CENPM: variants seen among roughly 807,000 people sequenced by gnomAD.
The protein encoded by CENPM is centromere protein M.
CENPM carries 14 observed loss-of-function variants against 19.6 expected under a neutral mutation model. The observed-to-expected ratio is 0.71, with a 90% CI of 0.47 to 1.11. The LOEUF (loss-of-function observed/expected upper bound fraction) is 1.11. Among genes scored for constraint, CENPM ranks in the 50% most tolerant of loss-of-function variants. The probability of loss-of-function intolerance (pLI) is 0.00; values close to 1 mark genes in which losing one functional copy is unlikely to be tolerated. For synonymous variants in CENPM, 114 were observed against 101.5 expected, an observed-to-expected ratio of 1.12 and a Z score of -0.74; for missense variants, 239 against 228.4, an observed-to-expected ratio of 1.05 and a Z score of -0.30.
In CENPM at chr22:41,945,253, CAAG is replaced by C. The variant is rs766447933; in HGVS notation, c.279_281del (p.Phe93del). 7.4e-6 allele frequency: 12 copies of C among 1,613,906 alleles called. No individual in the cohort carries two copies. The highest frequency in any genetic ancestry group is 6.7e-5 in the East Asian group (3 of 44,860). ...CTGTGGCGAGGAAACACACCTTCCC[CAAG>C]AAGAAGCTGGCATCCACATGGCGCA... On this transcript the variant is annotated inframe_deletion, in exon 4 of 6. Transcript: ENST00000215980.
At chr22:41,940,389 T>TTTTTG (rs1195323520) in intron 5 of CENPM, among the ~76,000 whole-genome samples, 3 of 152,146 alleles carry the variant, frequency 2.0e-5, no homozygotes, top group Non-Finnish European at 4.4e-5. Context: ...GCTGGGGCTT[T>TTTTTG]TTTTGTTTTG....
At chr22:41,929,492 G>A in the CENPM span, among the ~76,000 whole-genome samples, 2 of 152,162 alleles carry the variant, frequency 1.3e-5, no homozygotes, top group African/African-American at 4.8e-5. Context: ...CCAGGTCTGC[G>A]TTTCACAGCA....
chr22:41,941,384 G>C (rs1015845388), intron 5 of CENPM, among the ~76,000 whole-genome samples: 1 of 152,194 alleles, frequency 6.6e-6, no homozygotes, highest in Admixed American at 6.5e-5. Context: ...CTCCTGCTGC[G>C]GCGGGAACCA....
the CENPM span, among the ~76,000 whole-genome samples, chr22:41,933,196 C>T: frequency 6.6e-6 from 1 of 152,166 alleles, no homozygotes; most frequent in South Asian, 2.1e-4. Flanking sequence ...CCTACCCGGC[C>T]GTCTCCTCCC....
chr22:41,937,899 A>G (rs2077690760), downstream of CENPM, among the ~76,000 whole-genome samples: 1 of 151,992 alleles, frequency 6.6e-6, no homozygotes, highest in South Asian at 2.1e-4. Flanking sequence ...GCTGGAGTGC[A>G]GTGGCGCGAT....
the CENPM span, among the ~76,000 whole-genome samples, chr22:41,927,513 CTTTTT>C: frequency 1.5e-5 from 2 of 129,268 alleles, no homozygotes; most frequent in East Asian, 4.4e-4. Flanking sequence ...CAGACACCTG[CTTTTT>C]TTTTTTTTTT....
At chr22:41,931,115 C>T in the CENPM span, among the ~76,000 whole-genome samples, 7 of 151,120 alleles carry the variant, frequency 4.6e-5, no homozygotes, top group Non-Finnish European at 1.0e-4. Flanking sequence ...GGATTACAGG[C>T]GTGAGCCACT....
At chr22:41,929,848 G>GA in the CENPM span, among the ~76,000 whole-genome samples, 2 of 151,908 alleles carry the variant, frequency 1.3e-5, no homozygotes, top group Non-Finnish European at 2.9e-5. Context: ...TCGCTACTTG[G>GA]ATGACAAAAC....
At chr22:41,941,325 G>A (rs905684801) in intron 5 of CENPM, among the ~76,000 whole-genome samples, 2 of 152,240 alleles carry the variant, frequency 1.3e-5, no homozygotes, top group African/African-American at 4.8e-5. Flanking sequence ...AACCCTGGGT[G>A]CTCCATCTGA....
At position 41,939,150 on chromosome 22, in the gene CENPM, A is replaced by T; in HGVS notation, c.449T>A (p.Leu150Gln). 1 of 1,612,784 alleles carries T rather than the reference A, an allele frequency of 6.2e-7. No homozygotes were observed. ...ATMAQRLVRVLQICAGHVPGV... is the reference protein window; with the variant it reads ...ATMAQRLVRVQQICAGHVPGV... ...GGGCACGTGGCCAGCACAGATCTGCAGCACGCGCACCAGGCGCTGCGCCAT... is the reference window on the plus strand; with the variant it reads ...GGGCACGTGGCCAGCACAGATCTGCTGCACGCGCACCAGGCGCTGCGCCAT... Residue 150 changes from leucine to glutamine, a missense_variant, in exon 6 of 6, where the codon CTG (leucine) becomes CAG (glutamine). Leu to Gln is a moderately radical substitution (Grantham distance 113). Transcript: ENST00000215980.
rs752306339 is a variant in CENPM at position 41,945,997 on chromosome 22, G to T, written c.146C>A (p.Ala49Glu). 3.7e-6 allele frequency: 6 copies of T among 1,613,648 alleles called. No homozygotes were observed. The Admixed American group carries it at 8.3e-5, about 22-fold the overall frequency. Residue 49 changes from alanine (A) to glutamate (E), a missense_variant, in exon 3 of 6, where the codon GCA becomes GAA. Physicochemically the swap from Ala to Glu is moderately radical, Grantham distance 107. Coordinates refer to ENST00000215980, the MANE Select transcript of CENPM (RefSeq NM_024053.5). ...ACTGGAGGGCAAAGGGAGGGACTTT[G>T]CCAAGTGGCTGAAAAACAGGAAATT... is the stretch of plus-strand genomic sequence containing the variant. ...DCASELKVHL[A>E]KSLPLPSSVN...
At position 41,939,200 on chromosome 22, in the gene CENPM, C is replaced by T. The variant is rs541706503; in HGVS notation, c.403-4G>A. On this transcript the variant is annotated splice_region_variant and splice_polypyrimidine_tract_variant and intron_variant, in intron 5 of 5. Transcript: ENST00000215980. ...TGGTGGCCCTAAAGCCTTCCACCTG[C>T]GGGGAGAGCAGAGAACAGCAGTGAG... 8.6e-5 allele frequency: 139 copies of T among 1,608,144 alleles called. No homozygotes were observed. The highest frequency in any genetic ancestry group is 1.0e-4 in the Non-Finnish European group (122 of 1,177,846).
At chr22:41,943,883 GATA>G (rs2077767814) in intron 4 of CENPM, among the ~76,000 whole-genome samples, 182 bp from the exon 5 acceptor site, 2 of 152,182 alleles carry the variant, frequency 1.3e-5, no homozygotes, top group Admixed American at 6.6e-5. Flanking sequence ...AGACAATGAA[GATA>G]ATAATAGCTC....
rs1192424437 is a variant in CENPM, at chr22:41,939,072, G to T, written c.527C>A (p.Ser176Tyr). Residue 176 changes from serine (S) to tyrosine (Y), a missense_variant, in exon 6 of 6, where the codon TCC becomes TAC. Physicochemically the swap from Ser to Tyr is moderately radical, Grantham distance 144. Coordinates refer to ENST00000215980, the MANE Select transcript of CENPM (RefSeq NM_024053.5). ...CAGCCACCCTCACAGGTCCTCCAGG[G>T]AGGGGCCCTCAGAGCTTCTCAGCAG... is the stretch of plus-strand genomic sequence containing the variant. ...LSLLRSSEGP[S>Y]LEDL The T allele has an allele frequency of 1.2e-6, 2 of 1,612,888 alleles. No individual in the cohort carries two copies. Among genetic ancestry groups the T allele is most frequent in the Non-Finnish European group, 1.7e-6 (2 of 1,179,960 alleles).
At chr22:41,938,693 G>C, downstream of CENPM, 2 of 205,376 alleles carry the variant, frequency 9.7e-6, no homozygotes, top group Non-Finnish European at 2.0e-5. Flanking sequence ...ATTGTTCTGA[G>C]TCAGTTTCCT....
chr22:41,943,236 T>G (rs2077758893), intron 5 of CENPM, among the ~76,000 whole-genome samples: 1 of 152,136 alleles, frequency 6.6e-6, no homozygotes, highest in Non-Finnish European at 1.5e-5. Flanking sequence ...CACAATCACT[T>G]ACACCCCAGC....
chr22:41,933,019 G>A, the CENPM span, among the ~76,000 whole-genome samples: 4 of 152,172 alleles, frequency 2.6e-5, no homozygotes, highest in African/African-American at 9.7e-5. Flanking sequence ...AAGTCAGAAG[G>A]GCAGGGTGCT....
chr22:41,928,234 C>G, the CENPM span: 2 of 347,182 alleles, frequency 5.8e-6, no homozygotes, highest in African/African-American at 4.4e-5. The surrounding 1 kb of genome is among the most constrained non-coding windows in gnomAD (Gnocchi z 4.0). Context: ...CTCCTTTTCT[C>G]CAGGGCTATG....
At chr22:41,930,013 C>T in the CENPM span, among the ~76,000 whole-genome samples, 8,641 of 144,806 alleles carry the variant, frequency 0.06, 295 homozygotes, top group Non-Finnish European at 0.08. Flanking sequence ...GCGCAATCTC[C>T]GCTCACTGCA....
Sources: allele counts gnomAD v4.1 joint callset (sites outside exome capture counted in the v4.1 genomes callset), GRCh38; gene constraint gnomAD v4.1.1; non-coding constraint Gnocchi (gnomAD v3.1); transcripts MANE v1.5; gene names NCBI Gene and HGNC (gene_info 2026-07-23, HGNC 2026-07-21).